GNB4: variants seen among roughly 807,000 people sequenced by gnomAD.
GNB4 encodes G protein subunit beta 4, also known as guanine nucleotide-binding protein subunit beta-4.
A neutral mutation model predicts 45.2 loss-of-function variants in GNB4; 28 were observed. The ratio of observed to expected loss-of-function variants is 0.62; its 90% CI spans 0.46 to 0.85. The LOEUF (loss-of-function observed/expected upper bound fraction) is 0.85, where lower values mean the gene tolerates loss of function less well. GNB4 is among the 40% of genes least tolerant of loss of function. The pLI, the probability that GNB4 is intolerant of heterozygous loss-of-function variation, is 0.00. For synonymous variants in GNB4, 132 were observed against 143.7 expected, an observed-to-expected ratio of 0.92 and a Z score of 0.58; for missense variants, 321 against 425.4, an observed-to-expected ratio of 0.75 and a Z score of 2.16.
intron 9 of GNB4, among the ~76,000 whole-genome samples, chr3:179,403,563 T>TG: frequency 6.6e-6 from 1 of 151,992 alleles, no homozygotes; most frequent in Admixed American, 6.5e-5. Flanking sequence ...GAGGCTGAGG[T>TG]GGGCAGATCA....
At chr3:179,464,977 G>A in the GNB4 span, 1 of 1,540,892 alleles carries the variant, frequency 6.5e-7, no homozygotes, top group Non-Finnish European at 9.0e-7. Context: ...CCATTGCAAT[G>A]TTACTGCACA....
chr3:179,512,285 C>T, the GNB4 span, among the ~76,000 whole-genome samples: 8 of 152,118 alleles, frequency 5.3e-5, no homozygotes, highest in Admixed American at 5.2e-4. Context: ...TCCTTTTTTT[C>T]CAGGACCATA....
the GNB4 span, among the ~76,000 whole-genome samples, chr3:179,469,149 C>T: frequency 6.6e-6 from 1 of 152,180 alleles, no homozygotes; most frequent in Non-Finnish European, 1.5e-5. Flanking sequence ...GCAGCTAACA[C>T]GTATTGATTG....
intron 1 of GNB4, among the ~76,000 whole-genome samples, chr3:179,436,113 T>C (rs564318309): frequency 6.6e-6 from 1 of 152,348 alleles, no homozygotes; most frequent in South Asian, 2.1e-4. Flanking sequence ...AATGTAAGGA[T>C]AGGCCGGATC....
chr3:179,463,616 T>C, the GNB4 span, among the ~76,000 whole-genome samples: 1 of 152,226 alleles, frequency 6.6e-6, no homozygotes, highest in Non-Finnish European at 1.5e-5. Flanking sequence ...ACCCACGTGT[T>C]GGATCCTAAA....
At chr3:179,483,376 TCA>T in the GNB4 span, among the ~76,000 whole-genome samples, 2 of 152,066 alleles carry the variant, frequency 1.3e-5, no homozygotes, top group South Asian at 4.1e-4. Flanking sequence ...TTTATATCAC[TCA>T]GTTTATATTA....
the GNB4 span, among the ~76,000 whole-genome samples, chr3:179,461,540 G>A: frequency 6.6e-6 from 1 of 151,984 alleles, no homozygotes; most frequent in Non-Finnish European, 1.5e-5. Context: ...TATTTGGAAG[G>A]AATTCCTAGG....
chr3:179,509,168 T>TATATACACAC, the GNB4 span, among the ~76,000 whole-genome samples: 6 of 146,898 alleles, frequency 4.1e-5, no homozygotes, highest in African/African-American at 1.5e-4. Flanking sequence ...TATATATACA[T>TATATACACAC]ACACACACAC....
intron 9 of GNB4, among the ~76,000 whole-genome samples, chr3:179,402,305 A>C (rs1358990842): frequency 6.6e-6 from 1 of 152,244 alleles, no homozygotes; most frequent in Non-Finnish European, 1.5e-5. Context: ...AGGCAAAGCA[A>C]AACTAAACCT....
At position 179,419,484 on chromosome 3, in the gene GNB4, C is replaced by T. The variant is rs774011101; in HGVS notation, c.118G>A (p.Val40Met). 2.5e-6 allele frequency: 4 copies of T among 1,609,480 alleles called. No individual in the cohort carries two copies. The South Asian group carries it at 3.3e-5, about 13-fold the overall frequency. The change falls in exon 4 of 10, where the codon GTG (valine) becomes ATG (methionine). Residue 40 changes from valine (V) to methionine (M), a missense_variant. Coordinates refer to ENST00000232564, the MANE Select transcript of GNB4 (RefSeq NM_021629.4). ...CTTGTTCGCATTTGTATTCGACCCA[C>T]AGAGTCCATATTTGATGTAATCTTT... is the stretch of plus-strand genomic sequence containing the variant. ...LVQITSNMDS[V>M]GRIQMRTRRT...
chr3:179,465,025 T>A, the GNB4 span: 104 of 1,512,256 alleles, frequency 6.9e-5, no homozygotes, highest in Middle Eastern at 6.1e-4. Context: ...GTGATGCCAC[T>A]GTTACAATAT....
intron 2 of GNB4, 108 bp from the exon 3 acceptor site, chr3:179,421,035 A>G (rs1444320421): frequency 1.5e-6 from 1 of 661,752 alleles, no homozygotes; most frequent in African/African-American, 1.9e-5. Context: ...ACTGTACCAC[A>G]TCTTTAAAAA....
the GNB4 span, among the ~76,000 whole-genome samples, chr3:179,472,234 C>T: frequency 9.9e-5 from 15 of 151,892 alleles, no homozygotes; most frequent in Non-Finnish European, 1.9e-4. Flanking sequence ...AAAATATCAA[C>T]ATTAGTTTTT....
In GNB4 at chr3:179,399,451, C is replaced by A. The variant is rs1212381221; in HGVS notation, c.*1762G>T. On this transcript the variant is annotated 3_prime_UTR_variant, in exon 10 of 10. Transcript: ENST00000232564. Reference sequence around the variant, plus strand: ...CTCCTGACCTCAAGTGATCTGCCCACCTTGGCCTCCCAAATTGCTGGGATT... The same window carrying A: ...CTCCTGACCTCAAGTGATCTGCCCAACTTGGCCTCCCAAATTGCTGGGATT... The A allele has an allele frequency of 2.0e-5, 3 of 152,204 alleles. No individual in the cohort carries two copies. Among genetic ancestry groups the A allele is most frequent in the African/African-American group, 7.2e-5 (3 of 41,442 alleles). 9.4% of individuals were successfully genotyped at this position (152,204 alleles called of 1,614,324 possible).
chr3:179,405,345 T>A lies in GNB4; in HGVS notation c.761A>T (p.Asp254Val). Residue 254 changes from aspartate (D) to valine (V), a missense_variant, in exon 9 of 10, where the codon GAC becomes GTC. Physicochemically the swap from Asp to Val is radical, Grantham distance 152. Coordinates refer to ENST00000232564, the MANE Select transcript of GNB4 (RefSeq NM_021629.4). ...GSDDATCRLF[D>V]LRADQELLLY... ...TAATAACTCTTGATCTGCACGAAGG[T>A]CAAAGAGCCGGCAAGTGGCATCATC... 1 of 1,613,900 alleles carries A rather than the reference T, an allele frequency of 6.2e-7. No individual in the cohort carries two copies. Among genetic ancestry groups the A allele is most frequent in the Non-Finnish European group, 8.5e-7 (1 of 1,179,842 alleles).
At chr3:179,527,340 G>A in the GNB4 span, among the ~76,000 whole-genome samples, 1 of 152,186 alleles carries the variant, frequency 6.6e-6, no homozygotes, top group African/African-American at 2.4e-5. Context: ...AGATGCAGGC[G>A]TTGTGCCCAG....
chr3:179,436,329 G>A (rs1394006289), intron 1 of GNB4, among the ~76,000 whole-genome samples: 1 of 152,202 alleles, frequency 6.6e-6, no homozygotes, highest in Admixed American at 6.5e-5. Context: ...GGCAGAGGTT[G>A]CGGTGAGCCG....
the GNB4 span, among the ~76,000 whole-genome samples, chr3:179,457,693 G>T: frequency 6.6e-6 from 1 of 152,182 alleles, no homozygotes; most frequent in African/African-American, 2.4e-5. Flanking sequence ...AACAAATAGA[G>T]TCAGGCTAAC....
chr3:179,520,122 T>C, the GNB4 span, among the ~76,000 whole-genome samples: 1 of 145,322 alleles, frequency 6.9e-6, no homozygotes, highest in Non-Finnish European at 1.5e-5. Flanking sequence ...ATGCTTTCTT[T>C]ACTATTCCTT....
Sources: gnomAD v4.1 joint callset for allele counts (sites outside exome capture counted in the v4.1 genomes callset) on GRCh38, gnomAD v4.1.1 for gene constraint, MANE v1.5 for transcripts, NCBI Gene and HGNC (gene_info 2026-07-23, HGNC 2026-07-21) for gene names.